FST: variants seen among roughly 807,000 people sequenced by gnomAD.
The protein encoded by FST is activin-binding protein.
In FST, 6 loss-of-function variants were observed where a neutral mutation model predicts 38.4. That is an observed-to-expected ratio of 0.16 (90% CI 0.09 to 0.31). FST has a LOEUF of 0.31. FST is among the 10% of genes least tolerant of loss of function. The pLI is 1.00. For missense variants in FST, 301 were observed against 432.3 expected (o/e 0.70, Z 2.69); for synonymous variants, 157 against 169.8 (o/e 0.92, Z 0.59).
intron 5 of FST, 138 bp downstream of exon 5, chr5:53,485,365 T>C (rs1276062076): frequency 3.2e-6 from 2 of 629,578 alleles, no homozygotes; most frequent in Non-Finnish European, 5.7e-6. Context: ...TCACCAGCAA[T>C]TCAATAATCC....
rs1232058680 is a variant in FST at position 53,483,639 on chromosome 5, C to G, written c.413C>G (p.Thr138Ser). 1 of 1,614,142 alleles carries G rather than the reference C, an allele frequency of 6.2e-7. No individual in the cohort carries two copies. The highest frequency in any genetic ancestry group is 8.5e-7 in the Non-Finnish European group (1 of 1,179,998). The change falls in exon 3 of 6, where the codon ACC becomes AGC. Residue 138 changes from threonine (T) to serine (S), a missense_variant. Transcript: ENST00000256759. This position sits in a 1 kb window ranked among gnomAD's most constrained non-coding sequence, Gnocchi z 4.1. ...CCAGTCTGCGGGCTGGATGGGAAAA[C>G]CTACCGCAATGAATGTGCACTCCTA... is the stretch of plus-strand genomic sequence containing the variant. ...KGPVCGLDGK[T>S]YRNECALLKA...
At chr5:53,485,778 T>A in intron 5 of FST, 173 bp from the exon 6 acceptor site, 1 of 1,595,484 alleles carries the variant, frequency 6.3e-7, no homozygotes, top group Non-Finnish European at 8.5e-7. Flanking sequence ...TTTTTTTAAC[T>A]TATTGCATAA....
Position 53,480,887 on chromosome 5 carries a change from G to A in FST, c.85+11G>A, listed in dbSNP as rs763629062. On this transcript the variant is annotated intron_variant, in intron 1 of 5. Transcript: ENST00000256759. Reference sequence around the variant, plus strand: ...ACCGCAGTGCCCAGGGTAAGCGAGTGGGGATGCGCTGGGGAGGCTTGGCTG... The same window carrying A: ...ACCGCAGTGCCCAGGGTAAGCGAGTAGGGATGCGCTGGGGAGGCTTGGCTG... 6.8e-7 allele frequency: 1 copy of A among 1,480,674 alleles called. No individual in the cohort carries two copies. Among genetic ancestry groups the A allele is most frequent in the South Asian group, 1.2e-5 (1 of 80,636 alleles). 91.7% of individuals were successfully genotyped at this position (1,480,674 alleles called of 1,614,324 possible). A position where few individuals can be genotyped will look rare whatever the true frequency, so the allele number is the denominator to read the frequency against.
intron 4 of FST, 138 bp from the exon 5 acceptor site, chr5:53,484,859 C>T: frequency 1.7e-6 from 1 of 586,860 alleles, no homozygotes; most frequent in East Asian, 2.8e-5. Context: ...CTCCATTACC[C>T]CCATTAGTAA....
chr5:53,483,921 A>G lies in FST; in HGVS notation c.497-148A>G, dbSNP rs1747392232. ...GAACACTGAGGGGACCAACCTAGTC[A>G]TAGATTCTCTCTTGAAAACTACAGG... On this transcript the variant is annotated intron_variant, in intron 3 of 5. Transcript: ENST00000256759. This position sits in a 1 kb window ranked among gnomAD's most constrained non-coding sequence, Gnocchi z 4.1. The G allele has an allele frequency of 4.2e-6, 3 of 716,638 alleles. No individual in the cohort carries two copies. The highest frequency in any genetic ancestry group is 5.3e-5 in the East Asian group (2 of 37,504). 44.4% of individuals were successfully genotyped at this position (716,638 alleles called of 1,614,324 possible). A position where few individuals can be genotyped will look rare whatever the true frequency, so the allele number is the denominator to read the frequency against.
chr5:53,481,609 G>T (rs1747220999), intron 1 of FST, among the ~76,000 whole-genome samples: 1 of 151,580 alleles, frequency 6.6e-6, no homozygotes, highest in East Asian at 1.9e-4. Flanking sequence ...CTTAAATTCT[G>T]AAATGGGTTA....
Position 53,484,208 on chromosome 5 carries a change from C to T in FST, c.636C>T (p.Val212=), listed in dbSNP as rs1747411258. Residue 212 remains valine (V), a synonymous_variant, in exon 4 of 6, where the codon GTC becomes GTT. Transcript: ENST00000256759. ...SEQYLCGNDG[V]TYSSACHLRK... is the part of the protein sequence containing the mutation. Reference sequence around the variant, plus strand: ...AATATCTCTGTGGGAATGATGGAGTCACCTACTCCAGTGCCTGCCACCTGA... The same window carrying T: ...AATATCTCTGTGGGAATGATGGAGTTACCTACTCCAGTGCCTGCCACCTGA... 4.3e-6 allele frequency: 7 copies of T among 1,611,230 alleles called. No homozygotes were observed. The highest frequency in any genetic ancestry group is 5.9e-6 in the Non-Finnish European group (7 of 1,177,280).
Position 53,480,768 on chromosome 5 carries a change from C to T in FST, c.-24C>T. ...CGCCGGCTCCCCGCGCCGCTGCGCT[C>T]CTCGCCCCGCGCCTGCCCCCAGGAT... On this transcript the variant is annotated 5_prime_UTR_variant, in exon 1 of 6. Coordinates refer to ENST00000256759, the MANE Select transcript of FST (RefSeq NM_013409.3). The T allele has an allele frequency of 3.1e-6, 4 of 1,286,770 alleles. No homozygotes were observed. Among genetic ancestry groups the T allele is most frequent in the Non-Finnish European group, 4.1e-6 (4 of 976,550 alleles). 79.7% of individuals were successfully genotyped at this position (1,286,770 alleles called of 1,614,324 possible).
At position 53,480,812 on chromosome 5, in the gene FST, G is replaced by A. The variant is rs1456916295; in HGVS notation, c.21G>A (p.Gln7=). 3 of 1,522,124 alleles carry A rather than the reference G, an allele frequency of 2.0e-6. No homozygotes were observed. Among genetic ancestry groups the A allele is most frequent in the Non-Finnish European group, 2.6e-6 (3 of 1,132,290 alleles). The allele number at this position is 1,522,124 out of a possible 1,614,324, so 94.3% of individuals were successfully genotyped here. Residue 7 remains glutamine (Q), a synonymous_variant, in exon 1 of 6, where the codon CAG becomes CAA. Transcript: ENST00000256759. MVRARH[Q]PGGLCLLLLL... is the part of the protein sequence containing the mutation. ...CCAGGATGGTCCGCGCGAGGCACCA[G>A]CCGGGTGGGCTTTGCCTCCTGCTGC...
intron 1 of FST, among the ~76,000 whole-genome samples, chr5:53,482,464 C>A (rs1381706332): frequency 6.6e-6 from 1 of 152,024 alleles, no homozygotes; most frequent in Non-Finnish European, 1.5e-5. Flanking sequence ...CCGTCGCATC[C>A]TGTTTTTGTC....
In FST at chr5:53,480,830, CCTG is replaced by C. The variant is rs1217481371; in HGVS notation, c.51_53del (p.Leu18del). 58 of 1,531,490 alleles carry C rather than the reference CCTG, an allele frequency of 3.8e-5. No individual in the cohort carries two copies. The highest frequency in any genetic ancestry group is 1.0e-4 in the East Asian group (4 of 39,142). The allele number at this position is 1,531,490 out of a possible 1,614,324, so 94.9% of individuals were successfully genotyped here. A position where few individuals can be genotyped will look rare whatever the true frequency, so the allele number is the denominator to read the frequency against. ...GGCACCAGCCGGGTGGGCTTTGCCT[CCTG>C]CTGCTGCTGCTCTGCCAGTTCATGG... On this transcript the variant is annotated inframe_deletion, in exon 1 of 6. Transcript: ENST00000256759.
At position 53,483,570 on chromosome 5, in the gene FST, G is replaced by A. The variant is rs1177495235; in HGVS notation, c.344G>A (p.Arg115His). The A allele has an allele frequency of 1.2e-6, 2 of 1,614,190 alleles. No individual in the cohort carries two copies. Among genetic ancestry groups the A allele is most frequent in the Non-Finnish European group, 8.5e-7 (1 of 1,180,014 alleles). ...KCRMNKKNKP[R>H]CVCAPDCSNI... ...CGAATGAACAAGAAGAACAAACCCC[G>A]CTGCGTCTGCGCCCCGGATTGTTCC... The change falls in exon 3 of 6, where the codon CGC becomes CAC. Residue 115 changes from arginine (R) to histidine (H), a missense_variant. Transcript: ENST00000256759. The surrounding 1 kb of genome is among the most constrained non-coding windows in gnomAD (Gnocchi z 4.1).
At chr5:53,482,845 C>T in intron 1 of FST, 35 bp from the exon 2 acceptor site, 1 of 1,415,360 alleles carries the variant, frequency 7.1e-7, no homozygotes, top group Non-Finnish European at 9.8e-7. Flanking sequence ...GCTCACTGCT[C>T]ACTCACCCAC....
chr5:53,485,144 CT>C lies in FST; in HGVS notation c.871del (p.Tyr291MetfsTer7), dbSNP rs1158324084. On this transcript the variant is annotated frameshift_variant, in exon 5 of 6. Coordinates refer to ENST00000256759, the MANE Select transcript of FST (RefSeq NM_013409.3). LOFTEE classifies it high-confidence loss of function. Reference protein sequence around the residue: ...DEPVCASDNATYASECAMKEA... With the variant: ...DEPVCASDNAXYASECAMKEA... ...CCTGTCTGTGCCAGTGACAATGCCA[CT>C]TATGCCAGCGAGTGTGCCATGAAGG... 1 of 1,613,452 alleles carries C rather than the reference CT, an allele frequency of 6.2e-7. No individual in the cohort carries two copies. The highest frequency in any genetic ancestry group is 8.5e-7 in the Non-Finnish European group (1 of 1,179,504).
chr5:53,484,426 A>G, intron 4 of FST, 133 bp downstream of exon 4: 2 of 900,620 alleles, frequency 2.2e-6, no homozygotes, highest in South Asian at 1.8e-5. Flanking sequence ...AATTTGGGGA[A>G]AGTGTTGTGA....
chr5:53,481,474 A>AAAAAAAAAAC, intron 1 of FST, among the ~76,000 whole-genome samples: 1 of 149,724 alleles, frequency 6.7e-6, no homozygotes, highest in Non-Finnish European at 1.5e-5. Context: ...AAAAAAAAAA[A>AAAAAAAAAAC]AAAAAAAAAA....
Position 53,483,829 on chromosome 5 carries a change from G to A in FST, c.496+107G>A. The A allele has an allele frequency of 2.5e-6, 2 of 788,330 alleles. No homozygotes were observed. The highest frequency in any genetic ancestry group is 2.6e-5 in the East Asian group (1 of 38,440). The allele number at this position is 788,330 out of a possible 1,614,324, so 48.8% of individuals were successfully genotyped here. ...TGGGGGATGGTGTAGTCCGCAGTAA[G>A]AGCCTGATAATAGTAATACTGAAAC... On this transcript the variant is annotated intron_variant, in intron 3 of 5. Transcript: ENST00000256759. The surrounding 1 kb of genome is among the most constrained non-coding windows in gnomAD (Gnocchi z 4.1).
rs3083659 is a variant in FST at position 53,486,072 on chromosome 5, C to CAAAA, written c.*57_*60dup. 46 of 266,698 alleles carry CAAAA rather than the reference C, an allele frequency of 1.7e-4. No individual in the cohort carries two copies. The highest frequency in any genetic ancestry group is 4.5e-4 in the South Asian group (5 of 11,082). The allele number at this position is 266,698 out of a possible 1,614,324, so 16.5% of individuals were successfully genotyped here. On this transcript the variant is annotated 3_prime_UTR_variant, in exon 6 of 6. Transcript: ENST00000256759. The stretch of plus-strand genomic sequence containing the variant: ...GTTCAGTGTTGACATAGCCTTTGTG[C>CAAAA]AAAAAAAAAAAAAAAAAAAAAGAAA...
chr5:53,481,530 T>C (rs892198920), intron 1 of FST, among the ~76,000 whole-genome samples: 4 of 150,404 alleles, frequency 2.7e-5, no homozygotes, highest in African/African-American at 9.9e-5. Context: ...TTACAGTTTT[T>C]TTCCCCTCTG....
Sources: gnomAD v4.1 joint callset for allele counts (sites outside exome capture counted in the v4.1 genomes callset) on GRCh38, gnomAD v4.1.1 for gene constraint, Gnocchi (gnomAD v3.1) non-coding constraint, MANE v1.5 for transcripts, NCBI Gene and HGNC (gene_info 2026-07-23, HGNC 2026-07-21) for gene names.